RAD18: variants seen among roughly 807,000 people sequenced by gnomAD.
RAD18 encodes RAD18 E3 ubiquitin protein ligase, also known as E3 ubiquitin-protein ligase RAD18.
A neutral mutation model predicts 60.4 loss-of-function variants in RAD18; 47 were observed. That is an observed-to-expected ratio of 0.78 (90% confidence interval 0.62 to 0.99). RAD18 has a LOEUF of 0.99. Ranked by LOEUF, RAD18 falls within the 50% of genes least tolerant of loss-of-function variation. The pLI, the probability that RAD18 is intolerant of heterozygous loss-of-function variation, is 0.00. For missense variants in RAD18, 640 were observed against 593.3 expected, an observed-to-expected ratio of 1.08 and a Z score of -0.82; for synonymous variants, 225 against 195.5, an observed-to-expected ratio of 1.15 and a Z score of -1.26.
intron 7 of RAD18, 39 bp downstream of exon 7, chr3:8,935,832 T>A (rs373724867): frequency 1.6e-5 from 23 of 1,451,000 alleles, no homozygotes; most frequent in Non-Finnish European, 1.9e-5. Context: ...AATTGCTTTA[T>A]CCAGAAAGTA....
chr3:8,914,229 C>G (rs1940157999), intron 7 of RAD18, among the ~76,000 whole-genome samples: 1 of 152,208 alleles, frequency 6.6e-6, no homozygotes, highest in Non-Finnish European at 1.5e-5. Context: ...GGAATACACC[C>G]TGTCAAACAT....
Position 8,963,095 on chromosome 3 carries a change from A to T in RAD18, c.51+240T>A, listed in dbSNP as rs984240545. ...GTTATTGTTGGGATTGGATCGCAGA[A>T]TAGCTGGTGCCATAAGACTGCCAAC... On this transcript the variant is annotated intron_variant, in intron 1 of 12. Transcript: ENST00000264926. 3.3e-5 allele frequency among the ~76,000 whole-genome samples: 5 copies of T among 152,208 alleles called. No individual in the cohort carries two copies. The South Asian group carries it at 1.0e-3, about 31-fold the overall frequency.
intron 11 of RAD18, among the ~76,000 whole-genome samples, chr3:8,898,504 T>C (rs1939840069): frequency 1.3e-5 from 2 of 152,198 alleles, no homozygotes; most frequent in African/African-American, 4.8e-5. Context: ...CTATTCTATT[T>C]ACTCAGTTAA....
intron 2 of RAD18, among the ~76,000 whole-genome samples, chr3:8,955,164 G>C (rs1940988040): frequency 6.6e-6 from 1 of 152,136 alleles, no homozygotes; most frequent in Admixed American, 6.5e-5. Context: ...ACAGAAAAGG[G>C]AACCAGGTTG....
At chr3:8,888,275 A>G (rs1434527755) in intron 12 of RAD18, among the ~76,000 whole-genome samples, 2 of 152,216 alleles carry the variant, frequency 1.3e-5, no homozygotes, top group East Asian at 3.8e-4. Context: ...TCGTGGCCAC[A>G]CTGACTAATC....
At chr3:8,941,231 A>G (rs1169664751) in intron 5 of RAD18, among the ~76,000 whole-genome samples, 1 of 152,252 alleles carries the variant, frequency 6.6e-6, no homozygotes, top group African/African-American at 2.4e-5. Context: ...AGCTACTGCC[A>G]TACTTGAAGG....
rs1269694370 is a variant in RAD18, at chr3:8,948,449, C to T, written c.195+60G>A. 2.8e-6 allele frequency: 4 copies of T among 1,453,522 alleles called. No individual in the cohort carries two copies. The African/African-American group carries it at 5.6e-5, about 20-fold the overall frequency. 90.0% of individuals were successfully genotyped at this position (1,453,522 alleles called of 1,614,324 possible). A position where few individuals can be genotyped will look rare whatever the true frequency, so the allele number is the denominator to read the frequency against. ...ATATATACACAGGCTTTTACGTATA[C>T]ACAAAGCAGAAATATTTGCAGCAGT... On this transcript the variant is annotated intron_variant, in intron 3 of 12. Transcript: ENST00000264926.
At chr3:8,956,421 T>G (rs983692735) in intron 2 of RAD18, among the ~76,000 whole-genome samples, 1 of 152,220 alleles carries the variant, frequency 6.6e-6, no homozygotes, top group African/African-American at 2.4e-5. Flanking sequence ...ATGATTCCCA[T>G]CCTGGGCAGG....
intron 1 of RAD18, among the ~76,000 whole-genome samples, chr3:8,959,923 T>C (rs569036304): frequency 6.7e-6 from 1 of 148,412 alleles, no homozygotes; most frequent in African/African-American, 2.5e-5. Flanking sequence ...CATACTGATA[T>C]GAAAAGATTG....
chr3:8,935,977 T>C lies in RAD18; in HGVS notation c.783A>G (p.Lys261=), dbSNP rs1413601166. 5.6e-6 allele frequency: 9 copies of C among 1,610,600 alleles called. No homozygotes were observed. The highest frequency in any genetic ancestry group is 2.2e-5 in the East Asian group (1 of 44,846). Residue 261 remains lysine (K), a synonymous_variant, in exon 7 of 13, where the codon AAA becomes AAG. Transcript: ENST00000264926. ...LSDRDLKKKL[K]EHGLSIQGNK... is the part of the protein sequence containing the mutation. ...TTCCTTGAATAGATAATCCATGCTCTTTTAGCTTTTTCTTTAAATCACGAT... is the reference window on the plus strand; with the variant it reads ...TTCCTTGAATAGATAATCCATGCTCCTTTAGCTTTTTCTTTAAATCACGAT...
At position 8,877,933 on chromosome 3, in the gene RAD18, G is replaced by A. The variant is rs954621763; in HGVS notation, c.*3424C>T. The A allele has an allele frequency of 6.6e-6, 1 of 152,258 alleles. No individual in the cohort carries two copies. Among genetic ancestry groups the A allele is most frequent in the Non-Finnish European group, 1.5e-5 (1 of 68,076 alleles). 9.4% of individuals were successfully genotyped at this position (152,258 alleles called of 1,614,324 possible). A position where few individuals can be genotyped will look rare whatever the true frequency, so the allele number is the denominator to read the frequency against. ...CGGGTGATAGTACACTAGCAAACCAGGAAAGCACACTCCCATTTCCACTTG... is the reference window on the plus strand; with the variant it reads ...CGGGTGATAGTACACTAGCAAACCAAGAAAGCACACTCCCATTTCCACTTG... On this transcript the variant is annotated 3_prime_UTR_variant, in exon 13 of 13. Transcript: ENST00000264926.
intron 1 of RAD18, 24 bp downstream of exon 1, chr3:8,963,311 T>C: frequency 6.3e-7 from 1 of 1,597,302 alleles, no homozygotes; most frequent in Non-Finnish European, 8.5e-7. Context: ...ACCCGGGAGC[T>C]CCCAAACTCC....
intron 12 of RAD18, among the ~76,000 whole-genome samples, chr3:8,883,725 C>T (rs918098547): frequency 2.0e-5 from 3 of 152,150 alleles, no homozygotes; most frequent in African/African-American, 7.2e-5. Context: ...GAGTGACCCT[C>T]TAGATTCCCA....
At chr3:8,913,276 T>C (rs572995326) in intron 8 of RAD18, among the ~76,000 whole-genome samples, 5 of 152,316 alleles carry the variant, frequency 3.3e-5, no homozygotes, top group South Asian at 2.1e-4. Context: ...AATCATAGAA[T>C]TGCAGAATGC....
In RAD18 at chr3:8,958,906, C is replaced by G; in HGVS notation, c.133+14G>C. ...ATCGCAATTTACTAACTCACAGGAA[C>G]AAAACATACTTACAGTTATGTGAAC... is the stretch of plus-strand genomic sequence containing the variant. On this transcript the variant is annotated intron_variant, in intron 2 of 12. Transcript: ENST00000264926. 6.2e-7 allele frequency: 1 copy of G among 1,603,948 alleles called. No homozygotes were observed. Among genetic ancestry groups the G allele is most frequent in the Non-Finnish European group, 8.5e-7 (1 of 1,171,286 alleles).
intron 1 of RAD18, among the ~76,000 whole-genome samples, chr3:8,961,983 C>A (rs1027982087): frequency 9.2e-5 from 14 of 152,180 alleles, no homozygotes; most frequent in Admixed American, 3.3e-4. Flanking sequence ...GCACTTAACA[C>A]AGTGCTAATA....
At chr3:8,900,724 T>G (rs1939894553) in intron 10 of RAD18, among the ~76,000 whole-genome samples, 1 of 152,156 alleles carries the variant, frequency 6.6e-6, no homozygotes, top group African/African-American at 2.4e-5. Context: ...GAGCAACAAT[T>G]ATATTGGTTG....
intron 2 of RAD18, among the ~76,000 whole-genome samples, chr3:8,953,587 T>C (rs144569280): frequency 1.3e-5 from 2 of 152,316 alleles, no homozygotes; most frequent in African/African-American, 4.8e-5. Flanking sequence ...CCAGAGGGCT[T>C]CATTTAAATC....
At chr3:8,941,853 T>A in intron 4 of RAD18, 49 bp from the exon 5 acceptor site, 1 of 1,469,372 alleles carries the variant, frequency 6.8e-7, no homozygotes, top group South Asian at 1.3e-5. Flanking sequence ...CAATTTTACA[T>A]CATAAATTAA....
Sources: gnomAD v4.1 joint callset for allele counts (sites outside exome capture counted in the v4.1 genomes callset) on GRCh38, gnomAD v4.1.1 for gene constraint, MANE v1.5 for transcripts, NCBI Gene and HGNC (gene_info 2026-07-23, HGNC 2026-07-21) for gene names.